Variants in ACVR1C observed in about 807,000 individuals in gnomAD.
ACVR1C encodes activin A receptor type 1C.
Under a neutral mutation model 57.9 loss-of-function variants are expected in ACVR1C, and 23 were observed. The observed-to-expected ratio is 0.40, with a 90% CI of 0.29 to 0.56. The LOEUF (loss-of-function observed/expected upper bound fraction) is 0.56. Among genes scored for constraint, ACVR1C ranks in the 20% least tolerant of loss-of-function variants. The pLI, the probability that ACVR1C is intolerant of heterozygous loss-of-function variation, is 0.50. For synonymous variants in ACVR1C, 214 were observed against 215.3 expected (o/e 0.99, Z 0.05); for missense variants, 480 against 607.9 (o/e 0.79, Z 2.21).
intron 4 of ACVR1C, 24 bp downstream of exon 4, chr2:157,550,138 T>C: frequency 6.2e-7 from 1 of 1,607,988 alleles, no homozygotes; most frequent in South Asian, 1.1e-5. Flanking sequence ...TTTTACTTGT[T>C]GAACACAATT....
rs953245444 is a variant in ACVR1C, at chr2:157,617,447, T to C, written c.73+11125A>G. On this transcript the variant is annotated intron_variant, in intron 1 of 8. Coordinates refer to ENST00000243349, the MANE Select transcript of ACVR1C (RefSeq NM_145259.3). Reference sequence around the variant, plus strand: ...CAATACACCCAACAGCCAAAACTAATCTATGGTGGAATAAAGAACAGCAGA... The same window carrying C: ...CAATACACCCAACAGCCAAAACTAACCTATGGTGGAATAAAGAACAGCAGA... Among the ~76,000 whole-genome samples the C allele has an allele frequency of 2.0e-5, 3 of 152,026 alleles. No homozygotes were observed. In the East Asian group the frequency reaches 5.8e-4, roughly 29 times the overall value.
intron 7 of ACVR1C, among the ~76,000 whole-genome samples, chr2:157,539,497 T>G (rs1017504182): frequency 6.6e-6 from 1 of 152,226 alleles, no homozygotes; most frequent in Non-Finnish European, 1.5e-5. Flanking sequence ...AATTCACGTC[T>G]GCTAAATTAC....
chr2:157,579,875 G>A (rs2105249474), intron 2 of ACVR1C, among the ~76,000 whole-genome samples: 1 of 151,966 alleles, frequency 6.6e-6, no homozygotes, highest in Non-Finnish European at 1.5e-5. Context: ...TTTAACTTTT[G>A]CCCATCTAAT....
rs1687322297 is a variant in ACVR1C, at chr2:157,530,126, G to T, written c.*3792C>A. On this transcript the variant is annotated 3_prime_UTR_variant, in exon 9 of 9. Transcript: ENST00000243349. ...TACGAATACTAAACATTTCTAAGTA[G>T]CTTGTAATGATGTGTTTGTGAATTT... 6.6e-6 allele frequency: 1 copy of T among 152,062 alleles called. No individual in the cohort carries two copies. Among genetic ancestry groups the T allele is most frequent in the Non-Finnish European group, 1.5e-5 (1 of 67,982 alleles). 9.4% of individuals were successfully genotyped at this position (152,062 alleles called of 1,614,324 possible).
intron 8 of ACVR1C, among the ~76,000 whole-genome samples, chr2:157,536,363 T>C (rs180988303): frequency 6.6e-6 from 1 of 152,168 alleles, no homozygotes; most frequent in Non-Finnish European, 1.5e-5. Context: ...GAAGACATCA[T>C]AGAGAAACTG....
At chr2:157,542,666 C>T (rs1687649831) in intron 6 of ACVR1C, 40 bp downstream of exon 6, 1 of 1,591,232 alleles carries the variant, frequency 6.3e-7, no homozygotes, top group East Asian at 2.3e-5. Context: ...TTATTGGGCA[C>T]TCTCACATCT....
chr2:157,565,700 G>T (rs75225353), intron 2 of ACVR1C, among the ~76,000 whole-genome samples: 107 of 152,238 alleles, frequency 7.0e-4, no homozygotes, highest in Non-Finnish European at 1.3e-3. Context: ...TTGATGCTCA[G>T]TCTATAAACG....
At chr2:157,578,323 TA>T (rs1688712160) in intron 2 of ACVR1C, among the ~76,000 whole-genome samples, 1 of 152,184 alleles carries the variant, frequency 6.6e-6, no homozygotes, top group African/African-American at 2.4e-5. Context: ...AGGCACATTT[TA>T]AAGCATTAAT....
At chr2:157,624,930 C>T (rs1312135587) in intron 1 of ACVR1C, among the ~76,000 whole-genome samples, 1 of 152,202 alleles carries the variant, frequency 6.6e-6, no homozygotes, top group Non-Finnish European at 1.5e-5. Flanking sequence ...ACTTGTGACA[C>T]ACTTATACTA....
intron 1 of ACVR1C, among the ~76,000 whole-genome samples, chr2:157,610,409 C>T (rs1682506550): frequency 6.6e-6 from 1 of 152,066 alleles, no homozygotes; most frequent in African/African-American, 2.4e-5. Context: ...GAAAATTCAG[C>T]CTTTAAAAAG....
rs1688265641 is a variant in ACVR1C at position 157,562,514 on chromosome 2, TAAAA to T, written c.305-6186_305-6183del. ...TAAAATAAAATAAAATAAAATAAAA[TAAAA>T]TAAAAAAGCCCAGGACCAGACGTAC... On this transcript the variant is annotated intron_variant, in intron 2 of 8. Transcript: ENST00000243349. 1.1e-4 allele frequency among the ~76,000 whole-genome samples: 16 copies of T among 143,132 alleles called. 1 individual carries two copies. In the South Asian group the frequency reaches 3.3e-3, roughly 29 times the overall value. 93.9% of individuals were successfully genotyped at this position (143,132 alleles called of 152,430 possible).
chr2:157,540,142 T>A (rs904718125), intron 7 of ACVR1C, among the ~76,000 whole-genome samples: 1 of 152,212 alleles, frequency 6.6e-6, no homozygotes, highest in Non-Finnish European at 1.5e-5. Flanking sequence ...TGTATTATCT[T>A]CATTTTACAG....
In ACVR1C at chr2:157,628,740, G is replaced by A; in HGVS notation, c.-96C>T. On this transcript the variant is annotated 5_prime_UTR_variant, in exon 1 of 9. Coordinates refer to ENST00000243349, the MANE Select transcript of ACVR1C (RefSeq NM_145259.3). The stretch of plus-strand genomic sequence containing the variant: ...GCTTTGAAGTTCCCGGGCCGCGGGA[G>A]GGGAGCGCGGCACCGACACCCTTTT... 8.9e-7 allele frequency: 1 copy of A among 1,122,528 alleles called. No homozygotes were observed. Among genetic ancestry groups the A allele is most frequent in the East Asian group, 3.0e-5 (1 of 33,644 alleles). The allele number at this position is 1,122,528 out of a possible 1,614,324, so 69.5% of individuals were successfully genotyped here.
At chr2:157,628,114 C>T (rs960486999) in intron 1 of ACVR1C, among the ~76,000 whole-genome samples, 15 of 152,112 alleles carry the variant, frequency 9.9e-5, no homozygotes, top group African/African-American at 3.6e-4. Context: ...TAAATCACCA[C>T]CTCCCACCAC....
intron 6 of ACVR1C, among the ~76,000 whole-genome samples, chr2:157,542,455 A>G (rs1422469240): frequency 6.6e-6 from 1 of 152,144 alleles, no homozygotes; most frequent in Non-Finnish European, 1.5e-5. Context: ...ATACACTACT[A>G]TCTCTTCCAT....
chr2:157,542,316 G>A lies in ACVR1C; in HGVS notation c.1100+390C>T, dbSNP rs565919237. ...TCTGTGTCTGTTGTATAGAATCTGAGTATGTAGAACTAGTCCTGAGTTTCA... is the reference window on the plus strand; with the variant it reads ...TCTGTGTCTGTTGTATAGAATCTGAATATGTAGAACTAGTCCTGAGTTTCA... On this transcript the variant is annotated intron_variant, in intron 6 of 8. Coordinates refer to ENST00000243349, the MANE Select transcript of ACVR1C (RefSeq NM_145259.3). Among the ~76,000 whole-genome samples, 5 of 152,232 alleles carry A rather than the reference G, an allele frequency of 3.3e-5. No homozygotes were observed. The South Asian group carries it at 8.3e-4, about 25-fold the overall frequency.
rs1380329323 is a variant in ACVR1C at position 157,538,994 on chromosome 2, T to C, written c.1226-291A>G. Among the ~76,000 whole-genome samples the C allele has an allele frequency of 4.0e-5, 6 of 148,722 alleles. No homozygotes were observed. The East Asian group carries it at 1.2e-3, about 29-fold the overall frequency. ...CACATAATTTTATAATTATATAATATATAACATTTCTATAATTGTATAAAA... is the reference window on the plus strand; with the variant it reads ...CACATAATTTTATAATTATATAATACATAACATTTCTATAATTGTATAAAA... On this transcript the variant is annotated intron_variant, in intron 7 of 8. Coordinates refer to ENST00000243349, the MANE Select transcript of ACVR1C (RefSeq NM_145259.3).
intron 4 of ACVR1C, among the ~76,000 whole-genome samples, chr2:157,546,968 T>TC: frequency 1.0e-5 from 1 of 97,528 alleles, no homozygotes; most frequent in Non-Finnish European, 2.0e-5. Context: ...CCCTCTCCCC[T>TC]CCCCCCACCC....
chr2:157,554,321 GAAAA>G (rs1479652462), intron 3 of ACVR1C, among the ~76,000 whole-genome samples: 16 of 112,266 alleles, frequency 1.4e-4, no homozygotes, highest in Middle Eastern at 5.2e-3. Flanking sequence ...AAAAGAAAAA[GAAAA>G]AGAAAGAGAA....
Sources: allele counts gnomAD v4.1 joint callset (sites outside exome capture counted in the v4.1 genomes callset), GRCh38; gene constraint gnomAD v4.1.1; transcripts MANE v1.5; gene names NCBI Gene and HGNC (gene_info 2026-07-23, HGNC 2026-07-21).